The following SLIT3 variants were observed in gnomAD, a reference collection of about 807,000 sequenced individuals.
SLIT3 encodes the protein slit guidance ligand 3.
In SLIT3, 68 loss-of-function variants were observed where a neutral mutation model predicts 184.0. The ratio of observed to expected loss-of-function variants is 0.37; its 90% confidence interval spans 0.30 to 0.45. The LOEUF is 0.45. SLIT3 is among the 20% of genes least tolerant of loss of function. The pLI, the probability that SLIT3 is intolerant of heterozygous loss-of-function variation, is 1.00. For missense variants in SLIT3, 1,707 were observed against 2,026.0 expected (o/e 0.84, Z 3.02); for synonymous variants, 831 against 828.6 (o/e 1.00, Z -0.05).
chr5:168,829,195 T>C (rs1581123962), intron 6 of SLIT3, among the ~76,000 whole-genome samples: 1 of 152,228 alleles, frequency 6.6e-6, no homozygotes, highest in African/African-American at 2.4e-5. Context: ...TCTCCTCCGA[T>C]TAGGCCATCG....
chr5:168,800,303 T>G (rs1295494958), intron 9 of SLIT3, among the ~76,000 whole-genome samples: 1 of 152,194 alleles, frequency 6.6e-6, no homozygotes, highest in African/African-American at 2.4e-5. Context: ...GGTAGACTGT[T>G]GGCTGGGCGC....
chr5:168,692,511 A>C (rs1334240992), intron 29 of SLIT3, 96 bp downstream of exon 29: 3 of 738,088 alleles, frequency 4.1e-6, no homozygotes, highest in Non-Finnish European at 7.1e-6. Flanking sequence ...AGAGAGAGAG[A>C]GAGCATGCAG....
chr5:169,002,908 T>G (rs867173998), intron 4 of SLIT3, among the ~76,000 whole-genome samples: 20 of 152,198 alleles, frequency 1.3e-4, no homozygotes, highest in African/African-American at 4.6e-4. Flanking sequence ...GTATATTAGT[T>G]ACATATAGGT....
At chr5:168,674,722 C>T (rs150756978) in intron 32 of SLIT3, among the ~76,000 whole-genome samples, 2,097 of 152,020 alleles carry the variant, frequency 0.014, 50 homozygotes, top group African/African-American at 0.049. Flanking sequence ...GAACTCCTGA[C>T]CTCACGTGAT....
intron 1 of SLIT3, among the ~76,000 whole-genome samples, chr5:169,274,977 T>C (rs1218326688): frequency 6.6e-6 from 1 of 152,244 alleles, no homozygotes; most frequent in Non-Finnish European, 1.5e-5. Context: ...CCTTTGAATA[T>C]AATAAGTGAT....
intron 20 of SLIT3, among the ~76,000 whole-genome samples, chr5:168,735,661 TACACACACACACACACACACACAC>T (rs150528782): frequency 1.4e-5 from 2 of 142,072 alleles, no homozygotes; most frequent in Admixed American, 7.0e-5. Flanking sequence ...GACAGATAGA[TACACACACACACACACACACACAC>T]ACACACACAC....
intron 4 of SLIT3, among the ~76,000 whole-genome samples, chr5:169,133,118 C>T (rs1761365642): frequency 6.6e-6 from 1 of 152,150 alleles, no homozygotes; most frequent in African/African-American, 2.4e-5. Context: ...TTATGATCTG[C>T]ACCTTATCCT....
At chr5:169,150,099 T>C (rs544460768) in intron 4 of SLIT3, among the ~76,000 whole-genome samples, 1 of 152,332 alleles carries the variant, frequency 6.6e-6, no homozygotes, top group East Asian at 1.9e-4. Flanking sequence ...TGATGGGCAA[T>C]TGGATATTAT....
chr5:168,767,723 G>T (rs1227497221), intron 14 of SLIT3, among the ~76,000 whole-genome samples: 1 of 152,200 alleles, frequency 6.6e-6, no homozygotes, highest in Non-Finnish European at 1.5e-5. Flanking sequence ...GGTGGGAGGG[G>T]TCGGGGGTCA....
In SLIT3 at chr5:169,282,774, T is replaced by G. The variant is rs77448738; in HGVS notation, c.197+17739A>C. On this transcript the variant is annotated intron_variant, in intron 1 of 35. Coordinates refer to ENST00000519560, the MANE Select transcript of SLIT3 (RefSeq NM_003062.4). ...GAGAACAGAGTGACTTTTATCATCC[T>G]TACATTATGCTGAATGTTTTACATA... Among the ~76,000 whole-genome samples the G allele has an allele frequency of 3.1e-3, 475 of 152,338 alleles. 4 individuals carry two copies. The highest frequency in any genetic ancestry group is 0.01 in the Middle Eastern group (3 of 294).
chr5:168,878,272 A>C (rs376704966), intron 5 of SLIT3, among the ~76,000 whole-genome samples: 1 of 152,210 alleles, frequency 6.6e-6, no homozygotes, highest in East Asian at 1.9e-4. Flanking sequence ...CCAGATAATT[A>C]CGTTCTCTCT....
intron 3 of SLIT3, 57 bp from the exon 4 acceptor site, chr5:169,193,607 A>G: frequency 8.0e-7 from 1 of 1,253,508 alleles, no homozygotes; most frequent in East Asian, 2.3e-5. Flanking sequence ...GATCAAACGT[A>G]TTCAGATACC....
intron 18 of SLIT3, among the ~76,000 whole-genome samples, chr5:168,750,342 C>G (rs771539797): frequency 6.6e-6 from 1 of 152,222 alleles, no homozygotes; most frequent in African/African-American, 2.4e-5. Flanking sequence ...CTTTATAAAT[C>G]CATTGTCTCA....
chr5:168,790,707 C>G (rs1057327964), intron 10 of SLIT3: 3 of 152,242 alleles, frequency 2.0e-5, no homozygotes, highest in Non-Finnish European at 4.4e-5. Context: ...GGAAGGTCAA[C>G]AAGGAGGTGA....
At chr5:169,210,640 C>G (rs182509169) in intron 3 of SLIT3, among the ~76,000 whole-genome samples, 33 of 152,130 alleles carry the variant, frequency 2.2e-4, no homozygotes, top group Admixed American at 1.9e-3. Context: ...GGGGGTGAAA[C>G]TGGAGTTGAA....
At chr5:168,720,662 CAG>C (rs546760914) in intron 23 of SLIT3, 109 of 152,342 alleles carry the variant, frequency 7.2e-4, no homozygotes, top group African/African-American at 2.5e-3. Flanking sequence ...CAACTGGAAA[CAG>C]GGAAATGGTT....
intron 4 of SLIT3, among the ~76,000 whole-genome samples, chr5:169,038,870 C>CA (rs1757349483): frequency 6.6e-6 from 1 of 152,054 alleles, no homozygotes; most frequent in Non-Finnish European, 1.5e-5. Context: ...AAGCAAAGAC[C>CA]ACCATAAAAT....
chr5:168,817,067 C>T (rs1437988447), intron 8 of SLIT3, among the ~76,000 whole-genome samples: 1 of 152,154 alleles, frequency 6.6e-6, no homozygotes. Flanking sequence ...AAAAGTAGTT[C>T]ATGAATTCTT....
chr5:169,158,219 G>A (rs1478062477), intron 4 of SLIT3, among the ~76,000 whole-genome samples: 2 of 152,144 alleles, frequency 1.3e-5, no homozygotes, highest in Non-Finnish European at 2.9e-5. Flanking sequence ...AAACCAGCAA[G>A]AGAGAAACAA....
Sources: allele counts gnomAD v4.1 joint callset (sites outside exome capture counted in the v4.1 genomes callset), GRCh38; gene constraint gnomAD v4.1.1; transcripts MANE v1.5; gene names NCBI Gene and HGNC (gene_info 2026-07-23, HGNC 2026-07-21).